Variants in ELAVL1 observed in about 807,000 individuals in gnomAD.
The protein encoded by ELAVL1 is ELAV like RNA binding protein 1, also known as ELAV-like protein 1.
In ELAVL1, 1 loss-of-function variant was observed where a neutral mutation model predicts 28.4. That is an observed-to-expected ratio of 0.04 (90% CI 0.01 to 0.17). The LOEUF is 0.17. ELAVL1 is among the 10% of genes least tolerant of loss of function. The pLI is 1.00. For synonymous variants in ELAVL1, 174 were observed against 183.5 expected, an observed-to-expected ratio of 0.95 and a Z score of 0.42; for missense variants, 157 against 447.2, an observed-to-expected ratio of 0.35 and a Z score of 5.85.
At chr19:7,985,405 T>C (rs546173064) in intron 2 of ELAVL1, among the ~76,000 whole-genome samples, 1 of 152,274 alleles carries the variant, frequency 6.6e-6, no homozygotes, top group South Asian at 2.1e-4. Flanking sequence ...GGCAACAACT[T>C]GGCTCCCTAG....
intron 2 of ELAVL1, among the ~76,000 whole-genome samples, chr19:7,989,583 A>C (rs1389365451): frequency 6.6e-6 from 1 of 152,258 alleles, no homozygotes; most frequent in Admixed American, 6.5e-5. Context: ...TGCTTGCAAT[A>C]TCTCTGGTGC....
intron 1 of ELAVL1, among the ~76,000 whole-genome samples, chr19:7,997,380 T>C (rs954382956): frequency 6.6e-6 from 1 of 152,194 alleles, no homozygotes; most frequent in Admixed American, 6.5e-5. Flanking sequence ...CACCAATTCA[T>C]GCTACTTGTG....
intron 2 of ELAVL1, among the ~76,000 whole-genome samples, chr19:7,986,502 G>A (rs1985605347): frequency 6.6e-6 from 1 of 152,234 alleles, no homozygotes; most frequent in Non-Finnish European, 1.5e-5. Context: ...GCAAAGGTGA[G>A]AAATCCTGCC....
rs564921727 is a variant in ELAVL1, at chr19:7,981,698, A to T, written c.173-512T>A. Among the ~76,000 whole-genome samples the T allele has an allele frequency of 6.6e-6, 1 of 152,304 alleles. No homozygotes were observed. Among genetic ancestry groups the T allele is most frequent in the African/African-American group, 2.4e-5 (1 of 41,544 alleles). On this transcript the variant is annotated intron_variant, in intron 2 of 5. Transcript: ENST00000407627. This position sits in a 1 kb window ranked among gnomAD's most constrained non-coding sequence, Gnocchi z 4.2. ...GAGGTTTTACTTTTGTAATTAAAAT[A>T]ACCCCAAAAGTTATTTACAAAGGAG...
chr19:7,983,172 A>C (rs1366704162), intron 2 of ELAVL1, among the ~76,000 whole-genome samples: 4 of 152,204 alleles, frequency 2.6e-5, no homozygotes, highest in Non-Finnish European at 5.9e-5. Context: ...CAGATCCTCT[A>C]GACTCGTATT....
chr19:7,969,809 T>C (rs960171576), intron 4 of ELAVL1, among the ~76,000 whole-genome samples: 2 of 151,984 alleles, frequency 1.3e-5, no homozygotes, highest in Admixed American at 1.3e-4. Context: ...AGAGTGGCTT[T>C]CAAATGCAAA....
chr19:7,989,047 C>T (rs551029514), intron 2 of ELAVL1, among the ~76,000 whole-genome samples: 5 of 152,166 alleles, frequency 3.3e-5, no homozygotes, highest in East Asian at 1.9e-4. Flanking sequence ...CTGTGGGGCT[C>T]GGAGACACCC....
In ELAVL1 at chr19:7,963,969, A is replaced by T. The variant is rs1178417770; in HGVS notation, c.657-162T>A. 6.6e-6 allele frequency among the ~76,000 whole-genome samples: 1 copy of T among 152,196 alleles called. No individual in the cohort carries two copies. The highest frequency in any genetic ancestry group is 2.4e-5 in the African/African-American group (1 of 41,450). On this transcript the variant is annotated intron_variant, in intron 5 of 5. Transcript: ENST00000407627. This position sits in a 1 kb window ranked among gnomAD's most constrained non-coding sequence, Gnocchi z 4.5. ...CACCTGCATGGGTCAAAACCCTGGG[A>T]GGAATTAAATACAGTAGTGGAGGGG...
At chr19:7,992,258 T>A (rs1351839447) in intron 1 of ELAVL1, among the ~76,000 whole-genome samples, 2 of 152,132 alleles carry the variant, frequency 1.3e-5, no homozygotes, top group Non-Finnish European at 2.9e-5. Flanking sequence ...TAGAGATTCT[T>A]TTCTATGCTG....
At chr19:7,980,483 T>C (rs562242003) in intron 3 of ELAVL1, among the ~76,000 whole-genome samples, 10 of 152,214 alleles carry the variant, frequency 6.6e-5, no homozygotes, top group Admixed American at 1.3e-4. Flanking sequence ...AGGAAATCCA[T>C]CTGTGTGACC....
Position 7,961,862 on chromosome 19 carries a change from T to C in ELAVL1, c.*1621A>G, listed in dbSNP as rs1187874425. ...CAATAAATAAATACATAAATAGGTA[T>C]AAATAAACAGATAAATACAGCCATC... is the stretch of plus-strand genomic sequence containing the variant. On this transcript the variant is annotated 3_prime_UTR_variant, in exon 6 of 6. Coordinates refer to ENST00000407627, the MANE Select transcript of ELAVL1 (RefSeq NM_001419.3). 1 of 152,192 alleles carries C rather than the reference T, an allele frequency of 6.6e-6. No individual in the cohort carries two copies. The highest frequency in any genetic ancestry group is 1.5e-5 in the Non-Finnish European group (1 of 68,038). 9.4% of individuals were successfully genotyped at this position (152,192 alleles called of 1,614,324 possible).
At chr19:7,967,244 A>C (rs976989905) in intron 5 of ELAVL1, among the ~76,000 whole-genome samples, 2 of 152,122 alleles carry the variant, frequency 1.3e-5, no homozygotes, top group African/African-American at 4.8e-5. Flanking sequence ...AATATTGCCC[A>C]GGTTGGTCTT....
At chr19:7,977,354 C>T (rs1985328069) in intron 3 of ELAVL1, among the ~76,000 whole-genome samples, 1 of 152,228 alleles carries the variant, frequency 6.6e-6, no homozygotes, top group Admixed American at 6.5e-5. Context: ...CTTGGCAGAG[C>T]TGTTTCACTA....
At chr19:8,000,421 C>T (rs1458614811) in intron 1 of ELAVL1, among the ~76,000 whole-genome samples, 1 of 152,158 alleles carries the variant, frequency 6.6e-6, no homozygotes, top group Admixed American at 6.6e-5. Flanking sequence ...TGCTTTCCAC[C>T]AGGCAAGCAT....
In ELAVL1 at chr19:7,980,224, G is replaced by A. The variant is rs1599671158; in HGVS notation, c.276+859C>T. 2.6e-5 allele frequency among the ~76,000 whole-genome samples: 4 copies of A among 152,302 alleles called. No individual in the cohort carries two copies. The East Asian group carries it at 7.7e-4, about 29-fold the overall frequency. ...CGGGCACTGAGGGCGGGTGGGTGCA[G>A]TGGCTGCTGCAGGAAGCCCAGTTGC... On this transcript the variant is annotated intron_variant, in intron 3 of 5. Transcript: ENST00000407627.
rs915955066 is a variant in ELAVL1 at position 7,982,959 on chromosome 19, C to T, written c.173-1773G>A. 2.9e-4 allele frequency among the ~76,000 whole-genome samples: 44 copies of T among 152,288 alleles called. No individual in the cohort carries two copies. The highest frequency in any genetic ancestry group is 9.4e-4 in the African/African-American group (39 of 41,556). ...GTGACTTATGGCTGCTGGTGCTGAC[C>T]GTGATCACTGGGCCGAGGCAGTCAG... On this transcript the variant is annotated intron_variant, in intron 2 of 5. Transcript: ENST00000407627. The surrounding 1 kb of genome is among the most constrained non-coding windows in gnomAD (Gnocchi z 4.3).
At chr19:7,994,911 G>T (rs1024233751) in intron 1 of ELAVL1, among the ~76,000 whole-genome samples, 1 of 152,156 alleles carries the variant, frequency 6.6e-6, no homozygotes, top group Non-Finnish European at 1.5e-5. Context: ...CCATGATGGC[G>T]CCACTGCACT....
At chr19:8,000,106 G>T (rs12973149) in intron 1 of ELAVL1, among the ~76,000 whole-genome samples, 1 of 151,842 alleles carries the variant, frequency 6.6e-6, no homozygotes, top group Non-Finnish European at 1.5e-5. Flanking sequence ...AGGCGGGGGC[G>T]GGGGGGTGTC....
intron 5 of ELAVL1, among the ~76,000 whole-genome samples, chr19:7,965,090 G>T (rs996730209): frequency 6.6e-6 from 1 of 152,174 alleles, no homozygotes. Flanking sequence ...CTAGCCCAAC[G>T]GTGATTTTCT....
Sources: gnomAD v4.1 joint callset for allele counts (sites outside exome capture counted in the v4.1 genomes callset) on GRCh38, gnomAD v4.1.1 for gene constraint, Gnocchi (gnomAD v3.1) non-coding constraint, MANE v1.5 for transcripts, NCBI Gene and HGNC (gene_info 2026-07-23, HGNC 2026-07-21) for gene names.